The following MLANA variants were observed in gnomAD, a reference collection of about 807,000 sequenced individuals.
MLANA encodes the protein melan-A.
MLANA carries 21 observed loss-of-function variants against 15.7 expected under a neutral mutation model. The ratio of observed to expected loss-of-function variants is 1.33; its 90% confidence interval spans 0.95 to 1.92. MLANA has a LOEUF of 1.92. MLANA is among the 40% of genes most tolerant of loss of function. MLANA has a pLI of 0.00. For synonymous variants in MLANA, 56 were observed against 51.5 expected (o/e 1.09, Z -0.37); for missense variants, 164 against 143.8 (o/e 1.14, Z -0.72).
chr9:5,893,702 C>T (rs994657614), intron 2 of MLANA, among the ~76,000 whole-genome samples: 1 of 152,096 alleles, frequency 6.6e-6, no homozygotes, highest in African/African-American at 2.4e-5. Context: ...TTTTATGTCT[C>T]GTGTAAAAAT....
rs1833071411 is a variant in MLANA, at chr9:5,910,041, T to G, written c.*1333T>G. The G allele has an allele frequency of 6.6e-6, 1 of 152,222 alleles. No individual in the cohort carries two copies. The highest frequency in any genetic ancestry group is 2.4e-5 in the African/African-American group (1 of 41,466). 9.4% of individuals were successfully genotyped at this position (152,222 alleles called of 1,614,324 possible). A position where few individuals can be genotyped will look rare whatever the true frequency, so the allele number is the denominator to read the frequency against. On this transcript the variant is annotated 3_prime_UTR_variant, in exon 5 of 5. Transcript: ENST00000381477. ...ACGAAGATAATGAAAGTAATTTTTT[T>G]AACCTAAGAAAATACTAATGGTCAC... is the stretch of plus-strand genomic sequence containing the variant.
At chr9:5,892,347 T>A in intron 1 of MLANA, 103 bp from the exon 2 acceptor site, 1 of 677,868 alleles carries the variant, frequency 1.5e-6, no homozygotes, top group Non-Finnish European at 2.3e-6. Flanking sequence ...GTCCTGGCTA[T>A]GGATATTGGT....
intron 4 of MLANA, 28 bp downstream of exon 4, chr9:5,907,026 T>C (rs779849419): frequency 2.8e-6 from 4 of 1,408,178 alleles, no homozygotes; most frequent in Non-Finnish European, 2.9e-6. Context: ...ATAAGGGTAT[T>C]TTCATGAATG....
At chr9:5,898,333 ACT>A (rs1480041342) in intron 3 of MLANA, 1 of 152,326 alleles carries the variant, frequency 6.6e-6, no homozygotes, top group Non-Finnish European at 1.5e-5. Flanking sequence ...AGTGTGAAAC[ACT>A]CCACATATGG....
chr9:5,893,195 T>C (rs1831766909), intron 2 of MLANA, among the ~76,000 whole-genome samples: 1 of 152,222 alleles, frequency 6.6e-6, no homozygotes, highest in Non-Finnish European at 1.5e-5. Flanking sequence ...ATGAGATTAA[T>C]TTCAGCAAAT....
chr9:5,902,837 G>A lies in MLANA; in HGVS notation c.175-4048G>A, dbSNP rs1018800785. Among the ~76,000 whole-genome samples the A allele has an allele frequency of 9.2e-5, 14 of 151,832 alleles. No individual in the cohort carries two copies. In the East Asian group the frequency reaches 2.7e-3, roughly 29 times the overall value. ...CTTGTTTTCAATTTCATTGATTTCT[G>A]CTCTAATTTTTATTTTTCCGCTTAC... On this transcript the variant is annotated intron_variant, in intron 3 of 4. Coordinates refer to ENST00000381477, the MANE Select transcript of MLANA (RefSeq NM_005511.2).
In MLANA at chr9:5,901,675, C is replaced by T. The variant is rs144500651; in HGVS notation, c.174+4022C>T. Reference sequence around the variant, plus strand: ...CTGGGACCACAGGTGTAAGCCACCACGCCTGGCTAAATTTTTTTGTATTTT... The same window carrying T: ...CTGGGACCACAGGTGTAAGCCACCATGCCTGGCTAAATTTTTTTGTATTTT... On this transcript the variant is annotated intron_variant, in intron 3 of 4. Transcript: ENST00000381477. Among the ~76,000 whole-genome samples the T allele has an allele frequency of 2.2e-3, 341 of 152,200 alleles. 3 individuals are homozygous for T. Among genetic ancestry groups the T allele is most frequent in the African/African-American group, 7.8e-3 (324 of 41,520 alleles).
intron 1 of MLANA, among the ~76,000 whole-genome samples, chr9:5,891,631 T>C (rs1292360888): frequency 1.3e-5 from 2 of 152,234 alleles, no homozygotes; most frequent in East Asian, 1.9e-4. Context: ...GCTTCCATTA[T>C]TGGTTTTTAA....
intron 3 of MLANA, among the ~76,000 whole-genome samples, chr9:5,905,991 C>T (rs1832778001): frequency 6.6e-6 from 1 of 151,856 alleles, no homozygotes; most frequent in Non-Finnish European, 1.5e-5. Context: ...TATAAGCATA[C>T]CTAATTAAAT....
chr9:5,894,770 A>G lies in MLANA; in HGVS notation c.77+2219A>G, dbSNP rs951757993. 2.0e-5 allele frequency among the ~76,000 whole-genome samples: 3 copies of G among 152,134 alleles called. No homozygotes were observed. Among genetic ancestry groups the G allele is most frequent in the Non-Finnish European group, 4.4e-5 (3 of 68,024 alleles). On this transcript the variant is annotated intron_variant, in intron 2 of 4. Coordinates refer to ENST00000381477, the MANE Select transcript of MLANA (RefSeq NM_005511.2). The surrounding 1 kb of genome is among the most constrained non-coding windows in gnomAD (Gnocchi z 4.0). ...TTCTTGATGCCCCAGGTTTGTAGGCACCCTCTAGAGTACTCTAATGGGAGC... is the reference window on the plus strand; with the variant it reads ...TTCTTGATGCCCCAGGTTTGTAGGCGCCCTCTAGAGTACTCTAATGGGAGC...
At chr9:5,891,930 T>C (rs1038707335) in intron 1 of MLANA, among the ~76,000 whole-genome samples, 1 of 152,188 alleles carries the variant, frequency 6.6e-6, no homozygotes, top group Admixed American at 6.5e-5. Flanking sequence ...CTCAACCTCA[T>C]GCACCCTCGC....
rs372485841 is a variant in MLANA, at chr9:5,908,699, T to C, written c.348T>C (p.Tyr116=). 7.4e-6 allele frequency: 12 copies of C among 1,613,888 alleles called. No homozygotes were observed. In the African/African-American group the frequency reaches 8.0e-5, roughly 11 times the overall value. Residue 116 remains tyrosine (Y), a synonymous_variant, in exon 5 of 5, where the codon TAT becomes TAC. Transcript: ENST00000381477. ...KLSAEQSPPP[Y]SP is the part of the protein sequence containing the mutation. ...CTGCAGAACAGTCACCACCACCTTA[T>C]TCACCTTAAGAGCCAGCGAGACACC... is the stretch of plus-strand genomic sequence containing the variant.
rs1029057250 is a variant in MLANA at position 5,894,528 on chromosome 9, G to A, written c.77+1977G>A. 6.6e-6 allele frequency among the ~76,000 whole-genome samples: 1 copy of A among 152,150 alleles called. No homozygotes were observed. Among genetic ancestry groups the A allele is most frequent in the African/African-American group, 2.4e-5 (1 of 41,428 alleles). ...CCCAGATCTCTAAGGAGAGATTTTTGTTTGGCTGGTTCTGGTGTCTCAAGA... is the reference window on the plus strand; with the variant it reads ...CCCAGATCTCTAAGGAGAGATTTTTATTTGGCTGGTTCTGGTGTCTCAAGA... On this transcript the variant is annotated intron_variant, in intron 2 of 4. Coordinates refer to ENST00000381477, the MANE Select transcript of MLANA (RefSeq NM_005511.2). The surrounding 1 kb of genome is among the most constrained non-coding windows in gnomAD (Gnocchi z 4.0).
intron 2 of MLANA, among the ~76,000 whole-genome samples, chr9:5,893,571 C>G (rs1270841296): frequency 6.6e-6 from 1 of 152,142 alleles, no homozygotes; most frequent in Non-Finnish European, 1.5e-5. Context: ...GGTATCTTCT[C>G]AGAAAATGTC....
At chr9:5,898,996 T>C (rs1488331297) in intron 3 of MLANA, 1 of 152,172 alleles carries the variant, frequency 6.6e-6, no homozygotes, top group African/African-American at 2.4e-5. Flanking sequence ...GGTACCAGTA[T>C]CCTCCATGAA....
intron 4 of MLANA, among the ~76,000 whole-genome samples, chr9:5,907,719 G>A (rs974538701): frequency 1.3e-5 from 2 of 152,332 alleles, no homozygotes; most frequent in Non-Finnish European, 2.9e-5. Context: ...TCGGGAGGCC[G>A]AGGTGGGTGG....
intron 3 of MLANA, among the ~76,000 whole-genome samples, chr9:5,904,776 CTTTT>C (rs538770905): frequency 1.6e-5 from 2 of 128,944 alleles, no homozygotes; most frequent in East Asian, 4.6e-4. Context: ...AGTTACACTT[CTTTT>C]TTTTTTTTTT....
intron 4 of MLANA, among the ~76,000 whole-genome samples, chr9:5,908,052 A>G (rs760056650): frequency 1.3e-5 from 2 of 152,358 alleles, no homozygotes; most frequent in South Asian, 4.1e-4. Flanking sequence ...GGTTGAGAGC[A>G]CTGACTCTGG....
In MLANA at chr9:5,901,397, G is replaced by A. The variant is rs76247678; in HGVS notation, c.174+3744G>A. Among the ~76,000 whole-genome samples, 366 of 152,128 alleles carry A rather than the reference G, an allele frequency of 2.4e-3. 6 individuals carry two copies. The highest frequency in any genetic ancestry group is 0.023 in the East Asian group (121 of 5,174). On this transcript the variant is annotated intron_variant, in intron 3 of 4. Coordinates refer to ENST00000381477, the MANE Select transcript of MLANA (RefSeq NM_005511.2). ...TTGAGTAAGTTTCCCTTTATCCCTC[G>A]TTTATTGAGAGTTTTAAATTATGAA...
Sources: gnomAD v4.1 joint callset for allele counts (sites outside exome capture counted in the v4.1 genomes callset) on GRCh38, gnomAD v4.1.1 for gene constraint, Gnocchi (gnomAD v3.1) non-coding constraint, MANE v1.5 for transcripts, NCBI Gene and HGNC (gene_info 2026-07-23, HGNC 2026-07-21) for gene names.